Variants in TMEM240 observed in about 807,000 individuals in gnomAD.
The protein encoded by TMEM240 is transmembrane protein 240, also known as transmembrane protein C1orf70.
Under a neutral mutation model 19.5 loss-of-function variants are expected in TMEM240, and 3 were observed. The observed-to-expected ratio is 0.15, with a 90% confidence interval of 0.07 to 0.40. TMEM240 has a LOEUF of 0.40. Among genes scored for constraint, TMEM240 ranks in the 10% least tolerant of loss-of-function variants. The probability of loss-of-function intolerance (pLI) is 1.00; values close to 1 mark genes in which losing one functional copy is unlikely to be tolerated. For synonymous variants in TMEM240, 123 were observed against 109.3 expected, an observed-to-expected ratio of 1.13 and a Z score of -0.78; for missense variants, 210 against 253.5, an observed-to-expected ratio of 0.83 and a Z score of 1.17.
intron 1 of TMEM240, among the ~76,000 whole-genome samples, chr1:1,540,069 A>C (rs1227366845): frequency 1.7e-5 from 1 of 57,938 alleles, no homozygotes; most frequent in East Asian, 6.0e-4. Context: ...CGTAGGCCGG[A>C]GAGAGGAGCG....
chr1:1,540,092 G>A (rs1160822664), intron 1 of TMEM240, among the ~76,000 whole-genome samples, 198 bp downstream of exon 1: 5 of 102,592 alleles, frequency 4.9e-5, no homozygotes, highest in African/African-American at 7.7e-5. Flanking sequence ...GGGAGTGTGG[G>A]GATCGCAGGT....
chr1:1,537,029 C>T (rs1642233555), intron 2 of TMEM240, among the ~76,000 whole-genome samples: 1 of 152,160 alleles, frequency 6.6e-6, no homozygotes, highest in Admixed American at 6.5e-5. Flanking sequence ...AAAGCCCAGC[C>T]TGTCCGTCCA....
At position 1,534,794 on chromosome 1, in the gene TMEM240, A is replaced by G. The variant is rs1642174348; in HGVS notation, c.*565T>C. 6.5e-6 allele frequency: 1 copy of G among 154,598 alleles called. No individual in the cohort carries two copies. 9.6% of individuals were successfully genotyped at this position (154,598 alleles called of 1,614,324 possible). ...GGCGGAGGCTGGCGCTTTCTGGAGA[A>G]TTTACTGACCACAGAGGGGTGGGCT... On this transcript the variant is annotated 3_prime_UTR_variant, in exon 4 of 4. Coordinates refer to ENST00000378733, the MANE Select transcript of TMEM240 (RefSeq NM_001114748.2).
At chr1:1,538,923 A>G (rs1642260706) in intron 2 of TMEM240, 1 of 152,220 alleles carries the variant, frequency 6.6e-6, no homozygotes, top group South Asian at 2.1e-4. Context: ...TCCTCCGTCC[A>G]CTTCCTCATC....
Position 1,540,222 on chromosome 1 carries a change from G to C in TMEM240, c.57+68C>G, listed in dbSNP as rs542051122. 9,551 of 1,128,904 alleles carry C rather than the reference G, an allele frequency of 8.5e-3. 155 individuals carry two copies. Among genetic ancestry groups the C allele is most frequent in the East Asian group, 0.059 (1,628 of 27,780 alleles). The allele number at this position is 1,128,904 out of a possible 1,614,324, so 69.9% of individuals were successfully genotyped here. A position where few individuals can be genotyped will look rare whatever the true frequency, so the allele number is the denominator to read the frequency against. ...GCCGCACGGGCGGTAAACAAGGCGC[G>C]GGAGGTGGGCCAGGCGGCGCGCGCG... On this transcript the variant is annotated intron_variant, in intron 1 of 3. Coordinates refer to ENST00000378733, the MANE Select transcript of TMEM240 (RefSeq NM_001114748.2).
At chr1:1,539,645 C>T in intron 2 of TMEM240, 39 bp downstream of exon 2, 1 of 1,511,826 alleles carries the variant, frequency 6.6e-7, no homozygotes, top group Non-Finnish European at 9.0e-7. Context: ...CACACATGTG[C>T]GCTCACGCGT....
intron 2 of TMEM240, chr1:1,539,347 G>C (rs1642266895): frequency 3.0e-6 from 1 of 335,570 alleles, no homozygotes; most frequent in Non-Finnish European, 5.6e-6. Context: ...CCCTGTGCCA[G>C]CAGGCGCTTC....
chr1:1,539,353 G>T (rs766554640), intron 2 of TMEM240: 1 of 341,250 alleles, frequency 2.9e-6, no homozygotes, highest in Non-Finnish European at 5.5e-6. Flanking sequence ...GCCAGCAGGC[G>T]CTTCCTGCCC....
In TMEM240 at chr1:1,535,269, C is replaced by T. The variant is rs1264786385; in HGVS notation, c.*90G>A. ...ACAACCTGGGCCCAGGGCTGCTGTC[C>T]AGTCCCGCCGGCCCGGGCGTCCACG... On this transcript the variant is annotated 3_prime_UTR_variant, in exon 4 of 4. Coordinates refer to ENST00000378733, the MANE Select transcript of TMEM240 (RefSeq NM_001114748.2). This position sits in a 1 kb window ranked among gnomAD's most constrained non-coding sequence, Gnocchi z 8.2. 2.1e-5 allele frequency: 31 copies of T among 1,452,442 alleles called. No individual in the cohort carries two copies. The highest frequency in any genetic ancestry group is 2.7e-5 in the Non-Finnish European group (29 of 1,081,068). 90.0% of individuals were successfully genotyped at this position (1,452,442 alleles called of 1,614,324 possible).
Position 1,538,488 on chromosome 1 carries a change from C to G in TMEM240, c.164+1196G>C, listed in dbSNP as rs1027619226. On this transcript the variant is annotated intron_variant, in intron 2 of 3. Coordinates refer to ENST00000378733, the MANE Select transcript of TMEM240 (RefSeq NM_001114748.2). Reference sequence around the variant, plus strand: ...GGCCCCAGCCCACGTGCGTGGAGGCCGCACCTTTCTGATGCTCTGGAGCTC... The same window carrying G: ...GGCCCCAGCCCACGTGCGTGGAGGCGGCACCTTTCTGATGCTCTGGAGCTC... Among the ~76,000 whole-genome samples, 4 of 152,238 alleles carry G rather than the reference C, an allele frequency of 2.6e-5. No homozygotes were observed. The South Asian group carries it at 6.2e-4, about 24-fold the overall frequency.
intron 2 of TMEM240, among the ~76,000 whole-genome samples, chr1:1,538,623 C>G (rs1444103403): frequency 6.6e-6 from 1 of 152,236 alleles, no homozygotes; most frequent in East Asian, 1.9e-4. Context: ...GTGGCCACCC[C>G]ACAAGCTCTT....
At chr1:1,537,300 G>A (rs1216312442) in intron 2 of TMEM240, among the ~76,000 whole-genome samples, 1 of 152,042 alleles carries the variant, frequency 6.6e-6, no homozygotes, top group African/African-American at 2.4e-5. Flanking sequence ...GCTGATTCCT[G>A]GTGGCCACCG....
chr1:1,537,172 C>T (rs549996083), intron 2 of TMEM240, among the ~76,000 whole-genome samples: 2 of 152,216 alleles, frequency 1.3e-5, no homozygotes, highest in East Asian at 3.9e-4. Flanking sequence ...CCCTGCCCCA[C>T]GCTCCCCTTG....
In TMEM240 at chr1:1,535,460, C is replaced by G. The variant is rs1470710647; in HGVS notation, c.421G>C (p.Gly141Arg). Residue 141 changes from glycine to arginine, a missense_variant, in exon 4 of 4, where the codon GGC becomes CGC. By Grantham distance (125) the Gly-to-Arg change is moderately radical. Transcript: ENST00000378733. This position sits in a 1 kb window ranked among gnomAD's most constrained non-coding sequence, Gnocchi z 8.2. Reference protein sequence around the residue: ...LPKLCSLRELGRRPHRPFEEA... With the variant: ...LPKLCSLRELRRRPHRPFEEA... ...TCGAAGGGCCTGTGCGGCCGCCGGC[C>G]CAGCTCCCGCAGGCTGCACAGCTTG... The G allele has an allele frequency of 2.6e-6, 4 of 1,549,152 alleles. No homozygotes were observed. Among genetic ancestry groups the G allele is most frequent in the Non-Finnish European group, 3.5e-6 (4 of 1,146,322 alleles).
Position 1,539,644 on chromosome 1 carries a change from G to A in TMEM240, c.164+40C>T, listed in dbSNP as rs978572667. ...CCCGAGTGGGCCCCGCCACACATGT[G>A]CGCTCACGCGTGTCGAGCCGGCGCC... On this transcript the variant is annotated intron_variant, in intron 2 of 3. Coordinates refer to ENST00000378733, the MANE Select transcript of TMEM240 (RefSeq NM_001114748.2). The A allele has an allele frequency of 5.9e-6, 9 of 1,514,102 alleles. No homozygotes were observed. The East Asian group carries it at 2.2e-4, about 37-fold the overall frequency. 93.8% of individuals were successfully genotyped at this position (1,514,102 alleles called of 1,614,324 possible).
rs1182170182 is a variant in TMEM240 at position 1,535,929 on chromosome 1, C to T, written c.165-132G>A. On this transcript the variant is annotated intron_variant, in intron 2 of 3. Transcript: ENST00000378733. The surrounding 1 kb of genome is among the most constrained non-coding windows in gnomAD (Gnocchi z 8.2). ...GGGTTCTCTGAAGCAGCCTCTTGGG[C>T]GGGCGGGTCGGGAAGGGGGCACCAG... 2.3e-4 allele frequency: 85 copies of T among 371,730 alleles called. No individual in the cohort carries two copies. Among genetic ancestry groups the T allele is most frequent in the African/African-American group, 7.9e-4 (36 of 45,832 alleles). The allele number at this position is 371,730 out of a possible 1,614,324, so 23.0% of individuals were successfully genotyped here. A position where few individuals can be genotyped will look rare whatever the true frequency, so the allele number is the denominator to read the frequency against.
chr1:1,539,614 C>T, intron 2 of TMEM240, 70 bp downstream of exon 2: 1 of 1,390,826 alleles, frequency 7.2e-7, no homozygotes, highest in Non-Finnish European at 9.9e-7. Context: ...CTGGTTCCCC[C>T]GCGCCCCGAG....
At chr1:1,537,096 G>A (rs1008196272) in intron 2 of TMEM240, among the ~76,000 whole-genome samples, 5 of 152,076 alleles carry the variant, frequency 3.3e-5, no homozygotes, top group African/African-American at 1.2e-4. Flanking sequence ...GGACCACACA[G>A]GTGCCTTCCC....
At position 1,540,218 on chromosome 1, in the gene TMEM240, G is replaced by A. The variant is rs1224459796; in HGVS notation, c.57+72C>T. On this transcript the variant is annotated intron_variant, in intron 1 of 3. Coordinates refer to ENST00000378733, the MANE Select transcript of TMEM240 (RefSeq NM_001114748.2). ...GCAGGCCGCACGGGCGGTAAACAAG[G>A]CGCGGGAGGTGGGCCAGGCGGCGCG... is the stretch of plus-strand genomic sequence containing the variant. 1.0e-5 allele frequency: 11 copies of A among 1,082,238 alleles called. No homozygotes were observed. In the South Asian group the frequency reaches 2.5e-4, roughly 24 times the overall value. 67.0% of individuals were successfully genotyped at this position (1,082,238 alleles called of 1,614,324 possible). A position where few individuals can be genotyped will look rare whatever the true frequency, so the allele number is the denominator to read the frequency against.
Sources: gnomAD v4.1 joint callset for allele counts (sites outside exome capture counted in the v4.1 genomes callset) on GRCh38, gnomAD v4.1.1 for gene constraint, Gnocchi (gnomAD v3.1) non-coding constraint, MANE v1.5 for transcripts, NCBI Gene and HGNC (gene_info 2026-07-23, HGNC 2026-07-21) for gene names.